The following ESPN variants were observed in gnomAD, a reference collection of about 807,000 sequenced individuals.
ESPN encodes autosomal recessive deafness type 36 protein.
In ESPN, 68 loss-of-function variants were observed where a neutral mutation model predicts 77.7. That is an observed-to-expected ratio of 0.87 (90% CI 0.72 to 1.07). The LOEUF (loss-of-function observed/expected upper bound fraction) is 1.07. Among genes scored for constraint, ESPN ranks in the 50% least tolerant of loss-of-function variants. The probability of loss-of-function intolerance (pLI) is 0.00; values close to 1 mark genes in which losing one functional copy is unlikely to be tolerated. For synonymous variants in ESPN, 449 were observed against 567.1 expected, an observed-to-expected ratio of 0.79 and a Z score of 2.96; for missense variants, 1,060 against 1,239.0, an observed-to-expected ratio of 0.86 and a Z score of 2.17.
At position 6,424,960 on chromosome 1, in the gene ESPN, CCCTGGA is replaced by C; in HGVS notation, c.6_11del (p.Leu3_Glu4del). 1 of 1,454,264 alleles carries C rather than the reference CCCTGGA, an allele frequency of 6.9e-7. No individual in the cohort carries two copies. Among genetic ancestry groups the C allele is most frequent in the Non-Finnish European group, 9.0e-7 (1 of 1,107,860 alleles). The allele number at this position is 1,454,264 out of a possible 1,614,324, so 90.1% of individuals were successfully genotyped here. ...CGCGGCGCCGCACGCGGCACCATGGCCCTGGAGCAGGCGCTGCAGGCGGCGCGGCAG... is the reference window on the plus strand; with the variant it reads ...CGCGGCGCCGCACGCGGCACCATGGCGCAGGCGCTGCAGGCGGCGCGGCAG... On this transcript the variant is annotated inframe_deletion, in exon 1 of 13. Coordinates refer to ENST00000645284, the MANE Select transcript of ESPN (RefSeq NM_031475.3).
chr1:6,425,467 C>T (rs922410250), intron 1 of ESPN, among the ~76,000 whole-genome samples: 2 of 152,220 alleles, frequency 1.3e-5, no homozygotes, highest in African/African-American at 2.4e-5. Context: ...TCCCTGGAAG[C>T]GCACCTGGGT....
chr1:6,452,759 G>A (rs1182202083), intron 10 of ESPN, among the ~76,000 whole-genome samples: 1 of 152,212 alleles, frequency 6.6e-6, no homozygotes, highest in Non-Finnish European at 1.5e-5. Flanking sequence ...TTGCTGTGCT[G>A]CCGCCTTCCA....
Position 6,440,939 on chromosome 1 carries a change from C to A in ESPN, c.864C>A (p.Cys288Ter). The A allele has an allele frequency of 6.3e-7, 1 of 1,580,878 alleles. No individual in the cohort carries two copies. Among genetic ancestry groups the A allele is most frequent in the Non-Finnish European group, 8.6e-7 (1 of 1,164,752 alleles). The change falls in exon 5 of 13, where the codon TGC becomes TGA. Residue 288 changes from cysteine (C) to a stop codon, truncating the protein, a stop_gained. Coordinates refer to ENST00000645284, the MANE Select transcript of ESPN (RefSeq NM_031475.3). LOFTEE classifies it high-confidence loss of function. The stretch of plus-strand genomic sequence containing the variant: ...CTCACTGCGTGCCCCCGCAGTGCTG[C>A]CAGATCCTGGTAGTGAACGGCGCGG... Reference protein sequence around the residue: ...DAAENGELECCQILVVNGAEL... With the variant: ...DAAENGELEC
At chr1:6,455,061 A>G in intron 10 of ESPN, 1 of 382,040 alleles carries the variant, frequency 2.6e-6, no homozygotes, top group South Asian at 1.3e-4. Context: ...CCGGGAGCCC[A>G]TCTTGGAGGA....
Position 6,445,723 on chromosome 1 carries a change from C to G in ESPN, c.1252C>G (p.Leu418Val). 6.2e-7 allele frequency: 1 copy of G among 1,611,514 alleles called. No homozygotes were observed. The highest frequency in any genetic ancestry group is 8.5e-7 in the Non-Finnish European group (1 of 1,179,646). ...QSYMDMLNPE[L>V]GLPRGTIGKP... The stretch of plus-strand genomic sequence containing the variant: ...CTACATGGACATGCTGAACCCGGAG[C>G]TGGGCCTGCCTCGGGGCACGATTGG... The change falls in exon 7 of 13, where the codon CTG becomes GTG. Residue 418 changes from leucine to valine, a missense_variant. Coordinates refer to ENST00000645284, the MANE Select transcript of ESPN (RefSeq NM_031475.3).
chr1:6,457,119 G>C lies in ESPN; in HGVS notation c.2326-65G>C, dbSNP rs12092014. 129,592 of 1,488,362 alleles carry C rather than the reference G, an allele frequency of 0.087. 6,663 individuals carry two copies. The highest frequency in any genetic ancestry group is 0.23 in the African/African-American group (16,699 of 71,860). The allele number at this position is 1,488,362 out of a possible 1,614,324, so 92.2% of individuals were successfully genotyped here. On this transcript the variant is annotated intron_variant, in intron 10 of 12. Transcript: ENST00000645284. The stretch of plus-strand genomic sequence containing the variant: ...TGTGACCCTGACTCCTTCAGGTCCC[G>C]AGGTTGAGGGTGCCCCCTATCTCCC...
chr1:6,460,404 G>GACTT lies in ESPN; in HGVS notation c.*261_*264dup. On this transcript the variant is annotated 3_prime_UTR_variant, in exon 13 of 13. Coordinates refer to ENST00000645284, the MANE Select transcript of ESPN (RefSeq NM_031475.3). Reference sequence around the variant, plus strand: ...AACAAATGCTGCTTATTTGCATGCCGACTTACATATATTTGCATGTTCGTT... The same window carrying GACTT: ...AACAAATGCTGCTTATTTGCATGCCGACTTACTTACATATATTTGCATGTTCGTT... The GACTT allele has an allele frequency of 1.9e-6, 1 of 522,336 alleles. No homozygotes were observed. Among genetic ancestry groups the GACTT allele is most frequent in the Non-Finnish European group, 3.4e-6 (1 of 291,018 alleles). The allele number at this position is 522,336 out of a possible 1,614,324, so 32.4% of individuals were successfully genotyped here.
At chr1:6,446,412 G>A (rs563536432) in intron 7 of ESPN, among the ~76,000 whole-genome samples, 2 of 152,312 alleles carry the variant, frequency 1.3e-5, no homozygotes, top group South Asian at 4.1e-4. Context: ...GGGGGAAGGT[G>A]AGCAGGCACT....
At position 6,425,257 on chromosome 1, in the gene ESPN, C is replaced by T; in HGVS notation, c.294+8C>T. The T allele has an allele frequency of 6.4e-7, 1 of 1,567,418 alleles. No homozygotes were observed. Among genetic ancestry groups the T allele is most frequent in the Non-Finnish European group, 8.6e-7 (1 of 1,165,222 alleles). On this transcript the variant is annotated splice_region_variant and intron_variant, in intron 1 of 12. Transcript: ENST00000645284. Reference sequence around the variant, plus strand: ...GGCGGCTGCAGAGTGCAGGTGGGTCCGCGCGGTTCGCCAGGGGCACTGAGG... The same window carrying T: ...GGCGGCTGCAGAGTGCAGGTGGGTCTGCGCGGTTCGCCAGGGGCACTGAGG...
At position 6,437,939 on chromosome 1, in the gene ESPN, G is replaced by A. The variant is rs977210151; in HGVS notation, c.489-2315G>A. ...TAAGTCGTGTTGGGAACAAGAGGGT[G>A]GGTGGGCAAAGGGGGGTAGCCTGGT... On this transcript the variant is annotated intron_variant, in intron 2 of 12. Transcript: ENST00000645284. This position sits in a 1 kb window ranked among gnomAD's most constrained non-coding sequence, Gnocchi z 4.5. Among the ~76,000 whole-genome samples the A allele has an allele frequency of 2.6e-5, 4 of 151,994 alleles. No homozygotes were observed. The highest frequency in any genetic ancestry group is 4.4e-5 in the Non-Finnish European group (3 of 68,002).
In ESPN at chr1:6,460,180, C is replaced by A; in HGVS notation, c.*34C>A. On this transcript the variant is annotated 3_prime_UTR_variant, in exon 13 of 13. Coordinates refer to ENST00000645284, the MANE Select transcript of ESPN (RefSeq NM_031475.3). Reference sequence around the variant, plus strand: ...GACTCCTGTCCGCAGCCTCGCAGCTCCGTGGGGCCCTCCGCCCCAGCCCCA... The same window carrying A: ...GACTCCTGTCCGCAGCCTCGCAGCTACGTGGGGCCCTCCGCCCCAGCCCCA... The A allele has an allele frequency of 6.3e-7, 1 of 1,599,992 alleles. No homozygotes were observed. The highest frequency in any genetic ancestry group is 1.1e-5 in the South Asian group (1 of 90,546).
intron 2 of ESPN, among the ~76,000 whole-genome samples, chr1:6,432,755 C>T (rs1199263095): frequency 6.6e-6 from 1 of 152,236 alleles, no homozygotes; most frequent in Non-Finnish European, 1.5e-5. Flanking sequence ...CACTACAGAA[C>T]GGAAAAGGGG....
At chr1:6,455,094 G>C (rs1416056868) in intron 10 of ESPN, 1 of 385,276 alleles carries the variant, frequency 2.6e-6, no homozygotes. Flanking sequence ...GGCCCGCTCT[G>C]GCCAGCCCAG....
At chr1:6,444,398 G>T in intron 5 of ESPN, 83 bp from the exon 6 acceptor site, 1 of 1,393,136 alleles carries the variant, frequency 7.2e-7, no homozygotes, top group Non-Finnish European at 1.0e-6. Flanking sequence ...CACAGCGAAG[G>T]CATGACTGAG....
chr1:6,448,560 A>T (rs1175612710), intron 7 of ESPN, 81 bp from the exon 8 acceptor site: 50 of 1,272,234 alleles, frequency 3.9e-5, no homozygotes, highest in Admixed American at 7.2e-5. Context: ...AGTCCCCAGG[A>T]GGTGAAGAGC....
chr1:6,445,991 G>C, intron 7 of ESPN, 56 bp downstream of exon 7: 1 of 1,571,058 alleles, frequency 6.4e-7, no homozygotes, highest in Non-Finnish European at 8.7e-7. Flanking sequence ...GCTGATGGGG[G>C]CCAGTGAGGC....
intron 12 of ESPN, 115 bp from the exon 13 acceptor site, chr1:6,459,884 C>A: frequency 7.5e-7 from 1 of 1,324,992 alleles, no homozygotes; most frequent in Non-Finnish European, 1.1e-6. Flanking sequence ...CCTCAGTAAC[C>A]CACCCCTTGC....
rs191899706 is a variant in ESPN at position 6,427,003 on chromosome 1, C to G, written c.295-1223C>G. Among the ~76,000 whole-genome samples, 1 of 152,050 alleles carries G rather than the reference C, an allele frequency of 6.6e-6. No individual in the cohort carries two copies. The highest frequency in any genetic ancestry group is 1.5e-5 in the Non-Finnish European group (1 of 68,020). ...TGCCTGAAGACCCTACTAGTGGCCCCGGCGCCCCCAGCTCCCTCCGTGCCC... is the reference window on the plus strand; with the variant it reads ...TGCCTGAAGACCCTACTAGTGGCCCGGGCGCCCCCAGCTCCCTCCGTGCCC... On this transcript the variant is annotated intron_variant, in intron 1 of 12. Coordinates refer to ENST00000645284, the MANE Select transcript of ESPN (RefSeq NM_031475.3). This position sits in a 1 kb window ranked among gnomAD's most constrained non-coding sequence, Gnocchi z 4.6.
chr1:6,435,166 C>T (rs1643388966), intron 2 of ESPN, among the ~76,000 whole-genome samples: 1 of 152,124 alleles, frequency 6.6e-6, no homozygotes, highest in African/African-American at 2.4e-5. Context: ...CTGGAGGACA[C>T]CGAGAGCCAT....
Sources: gnomAD v4.1 joint callset for allele counts (sites outside exome capture counted in the v4.1 genomes callset) on GRCh38, gnomAD v4.1.1 for gene constraint, Gnocchi (gnomAD v3.1) non-coding constraint, MANE v1.5 for transcripts, NCBI Gene and HGNC (gene_info 2026-07-23, HGNC 2026-07-21) for gene names.